Variants in CEP63 observed in about 807,000 individuals in gnomAD.
The protein encoded by CEP63 is centrosomal protein of 63 kDa.
Under a neutral mutation model 89.1 loss-of-function variants are expected in CEP63, and 84 were observed. The ratio of observed to expected loss-of-function variants is 0.94; its 90% CI spans 0.79 to 1.13. CEP63 has a LOEUF of 1.13. Ranked by LOEUF, CEP63 falls within the 50% of genes most tolerant of loss-of-function variation. The pLI, the probability that CEP63 is intolerant of heterozygous loss-of-function variation, is 0.00. For synonymous variants in CEP63, 267 were observed against 272.5 expected (o/e 0.98, Z 0.20); for missense variants, 838 against 813.3 (o/e 1.03, Z -0.37).
the CEP63 span, among the ~76,000 whole-genome samples, chr3:134,616,513 T>C: frequency 1.3e-5 from 2 of 152,190 alleles, no homozygotes; most frequent in African/African-American, 2.4e-5. Flanking sequence ...GATGCATAGA[T>C]AGGTTACTGA....
the CEP63 span, among the ~76,000 whole-genome samples, chr3:134,656,085 C>T: frequency 6.6e-6 from 1 of 152,174 alleles, no homozygotes; most frequent in Non-Finnish European, 1.5e-5. Context: ...TTTCCCAGCA[C>T]AGATGACGGC....
the CEP63 span, among the ~76,000 whole-genome samples, chr3:134,736,623 A>C: frequency 6.6e-6 from 1 of 152,334 alleles, no homozygotes; most frequent in East Asian, 1.9e-4. Context: ...GACCTTTCTG[A>C]AGAAATCATT....
chr3:134,547,542 A>G, intron 9 of CEP63, 70 bp downstream of exon 9: 1 of 1,296,002 alleles, frequency 7.7e-7, no homozygotes, highest in Middle Eastern at 1.9e-4. Flanking sequence ...CATATTGTAA[A>G]TGAATGTAAT....
the CEP63 span, among the ~76,000 whole-genome samples, chr3:134,610,023 C>T: frequency 6.6e-6 from 1 of 152,130 alleles, no homozygotes; most frequent in African/African-American, 2.4e-5. Flanking sequence ...GGTCTGGGCC[C>T]TCACAATTGG....
the CEP63 span, chr3:134,607,800 C>G: frequency 1.0e-6 from 1 of 987,386 alleles, no homozygotes; most frequent in Non-Finnish European, 1.2e-6. Context: ...GCTGGGTATC[C>G]TATACTGCCC....
the CEP63 span, among the ~76,000 whole-genome samples, chr3:134,713,234 T>C: frequency 6.6e-6 from 1 of 152,192 alleles, no homozygotes; most frequent in Non-Finnish European, 1.5e-5. Context: ...ATTTTATTTG[T>C]GTCTACACCT....
chr3:134,580,706 C>T (rs1958325384), intron 10 of CEP63, among the ~76,000 whole-genome samples: 1 of 152,182 alleles, frequency 6.6e-6, no homozygotes, highest in Non-Finnish European at 1.5e-5. Flanking sequence ...CTTAATACAT[C>T]ATGACAATAT....
chr3:134,663,984 G>A, the CEP63 span, among the ~76,000 whole-genome samples: 1 of 152,166 alleles, frequency 6.6e-6, no homozygotes, highest in Admixed American at 6.5e-5. Flanking sequence ...GGCTTGGGGA[G>A]AGCTTCTAGG....
At chr3:134,602,288 G>A in the CEP63 span, among the ~76,000 whole-genome samples, 773 of 152,152 alleles carry the variant, frequency 5.1e-3, 3 homozygotes, top group African/African-American at 0.018. Flanking sequence ...CCTTTCCTCC[G>A]TTGCCATGGC....
chr3:134,547,565 A>AT (rs1953710315), intron 9 of CEP63, 93 bp downstream of exon 9: 3 of 997,650 alleles, frequency 3.0e-6, no homozygotes, highest in Non-Finnish European at 4.3e-6. Flanking sequence ...TCATAGTAAA[A>AT]AAAATAAGAT....
At chr3:134,722,738 T>C in the CEP63 span, among the ~76,000 whole-genome samples, 1 of 152,204 alleles carries the variant, frequency 6.6e-6, no homozygotes, top group Non-Finnish European at 1.5e-5. Flanking sequence ...TGTTAGCTCC[T>C]TTCTTTATTT....
chr3:134,642,188 C>T, the CEP63 span, among the ~76,000 whole-genome samples: 2 of 152,192 alleles, frequency 1.3e-5, no homozygotes, highest in South Asian at 2.1e-4. Context: ...CCTGCCAGCG[C>T]CTTTCTATAG....
At chr3:134,521,414 G>T (rs1947424933) in intron 3 of CEP63, among the ~76,000 whole-genome samples, 1 of 144,746 alleles carries the variant, frequency 6.9e-6, no homozygotes, top group African/African-American at 2.6e-5. Flanking sequence ...TACACATTTT[G>T]TGTATTTTTT....
At chr3:134,637,164 T>C in the CEP63 span, among the ~76,000 whole-genome samples, 2 of 152,210 alleles carry the variant, frequency 1.3e-5, no homozygotes, top group Admixed American at 1.3e-4. Context: ...GCATATTCAA[T>C]GTTGAGAGAA....
chr3:134,620,873 G>A, the CEP63 span: 2 of 1,560,480 alleles, frequency 1.3e-6, no homozygotes, highest in South Asian at 2.3e-5. Context: ...GAGCAGGAAG[G>A]GTGTGCTGTA....
At chr3:134,709,360 A>C in the CEP63 span, among the ~76,000 whole-genome samples, 1 of 152,108 alleles carries the variant, frequency 6.6e-6, no homozygotes, top group Non-Finnish European at 1.5e-5. Flanking sequence ...GTGCTTGGAG[A>C]TAGCCAAGTT....
At chr3:134,747,332 T>C in the CEP63 span, among the ~76,000 whole-genome samples, 1 of 152,198 alleles carries the variant, frequency 6.6e-6, no homozygotes, top group East Asian at 1.9e-4. Flanking sequence ...GTAGCCTTGT[T>C]GGTATTGGCA....
chr3:134,739,045 T>C, the CEP63 span, among the ~76,000 whole-genome samples: 4 of 151,598 alleles, frequency 2.6e-5, no homozygotes, highest in Non-Finnish European at 5.9e-5. Context: ...TTGGTGGGAA[T>C]GTAAATGGTA....
At chr3:134,540,367 T>C (rs372984731) in intron 6 of CEP63, among the ~76,000 whole-genome samples, 1 of 152,234 alleles carries the variant, frequency 6.6e-6, no homozygotes, top group African/African-American at 2.4e-5. Context: ...TTCACTTTTG[T>C]AAATAGTGCT....
Sources: gnomAD v4.1 joint callset for allele counts (sites outside exome capture counted in the v4.1 genomes callset) on GRCh38, gnomAD v4.1.1 for gene constraint, MANE v1.5 for transcripts, NCBI Gene and HGNC (gene_info 2026-07-23, HGNC 2026-07-21) for gene names.